CACNB3: variants seen among roughly 807,000 people sequenced by gnomAD.
The protein encoded by CACNB3 is calcium voltage-gated channel auxiliary subunit beta 3.
A neutral mutation model predicts 63.7 loss-of-function variants in CACNB3; 36 were observed. The ratio of observed to expected loss-of-function variants is 0.57; its 90% confidence interval spans 0.43 to 0.75. The LOEUF (loss-of-function observed/expected upper bound fraction) is 0.75, where lower values mean the gene tolerates loss of function less well. Ranked by LOEUF, CACNB3 falls within the 30% of genes least tolerant of loss-of-function variation. The pLI, the probability that CACNB3 is intolerant of heterozygous loss-of-function variation, is 0.00. For missense variants in CACNB3, 493 were observed against 648.6 expected (o/e 0.76, Z 2.61); for synonymous variants, 241 against 250.6 (o/e 0.96, Z 0.36).
chr12:48,827,151 T>TCAAGCTAAG (rs759933221), intron 12 of CACNB3, 28 bp downstream of exon 12: 7 of 1,609,654 alleles, frequency 4.3e-6, no homozygotes, highest in Non-Finnish European at 5.9e-6. Flanking sequence ...GCAGAGATGC[T>TCAAGCTAAG]CAAGCTAAGC....
At chr12:48,816,446 A>G (rs1238634176), upstream of CACNB3, among the ~76,000 whole-genome samples, 1 of 152,252 alleles carries the variant, frequency 6.6e-6, no homozygotes, top group Non-Finnish European at 1.5e-5. Context: ...TTAGGGCTAC[A>G]TGGACACTGA....
chr12:48,814,611 TG>T, upstream of CACNB3: 2 of 1,463,328 alleles, frequency 1.4e-6, no homozygotes, highest in Non-Finnish European at 1.8e-6. The surrounding 1 kb of genome is among the most constrained non-coding windows in gnomAD (Gnocchi z 6.9). Context: ...CCCCACGGGG[TG>T]GGAATAAGTA....
upstream of CACNB3, chr12:48,818,422 A>G: frequency 1.0e-6 from 1 of 984,934 alleles, no homozygotes; most frequent in Non-Finnish European, 1.2e-6. The surrounding 1 kb of genome is among the most constrained non-coding windows in gnomAD (Gnocchi z 4.3). Flanking sequence ...TGGGTTGCCG[A>G]GCGTCTCTGT....
rs372748723 is a variant in CACNB3 at position 48,827,572 on chromosome 12, G to A, written c.1141-13G>A. 4.0e-5 allele frequency: 65 copies of A among 1,609,356 alleles called. No individual in the cohort carries two copies. Among genetic ancestry groups the A allele is most frequent in the Non-Finnish European group, 5.0e-5 (59 of 1,177,800 alleles). ...CTGTACTGCCTCACTGAGAGCTGTTGTATGGCCCCCAGAACCAGCAGCTGC... is the reference window on the plus strand; with the variant it reads ...CTGTACTGCCTCACTGAGAGCTGTTATATGGCCCCCAGAACCAGCAGCTGC... On this transcript the variant is annotated splice_polypyrimidine_tract_variant and intron_variant, in intron 12 of 12. Transcript: ENST00000301050.
Position 48,823,232 on chromosome 12 carries a change from TTGGAGA to T in CACNB3, c.46-105_46-100del. ...GGGCCATAGGGACCCAGCTATCCCC[TTGGAGA>T]TGGAGAAACTGGGGGCAATAGAGGC... On this transcript the variant is annotated intron_variant, in intron 1 of 12. Coordinates refer to ENST00000301050, the MANE Select transcript of CACNB3 (RefSeq NM_000725.4). This position sits in a 1 kb window ranked among gnomAD's most constrained non-coding sequence, Gnocchi z 4.2. 1 of 1,380,528 alleles carries T rather than the reference TTGGAGA, an allele frequency of 7.2e-7. No individual in the cohort carries two copies. The allele number at this position is 1,380,528 out of a possible 1,614,324, so 85.5% of individuals were successfully genotyped here.
Position 48,825,151 on chromosome 12 carries a change from T to C in CACNB3, c.493-12T>C, listed in dbSNP as rs1490547458. ...GGCCATGGTTTCTACTGACCTCATG[T>C]CCATTCTGCAGGCGGAACATGTTCC... On this transcript the variant is annotated splice_polypyrimidine_tract_variant and intron_variant, in intron 6 of 12. Coordinates refer to ENST00000301050, the MANE Select transcript of CACNB3 (RefSeq NM_000725.4). The surrounding 1 kb of genome is among the most constrained non-coding windows in gnomAD (Gnocchi z 4.5). 6.2e-7 allele frequency: 1 copy of C among 1,613,490 alleles called. No individual in the cohort carries two copies. Among genetic ancestry groups the C allele is most frequent in the African/African-American group, 1.3e-5 (1 of 74,968 alleles).
At position 48,823,520 on chromosome 12, in the gene CACNB3, C is replaced by T. The variant is rs990514953; in HGVS notation, c.168+54C>T. On this transcript the variant is annotated intron_variant, in intron 2 of 12. Transcript: ENST00000301050. This position sits in a 1 kb window ranked among gnomAD's most constrained non-coding sequence, Gnocchi z 4.2. ...GGAGGCCAAGCTAGGTGGAAACCTG[C>T]ACTCGGTCCTAAGTCCCAAGGGGTC... 4.4e-6 allele frequency: 7 copies of T among 1,603,634 alleles called. No individual in the cohort carries two copies. The African/African-American group carries it at 9.4e-5, about 21-fold the overall frequency.
upstream of CACNB3, chr12:48,815,820 T>C (rs1013358236): frequency 5.9e-5 from 51 of 870,458 alleles, no homozygotes; most frequent in East Asian, 2.7e-5. Flanking sequence ...GGGCACGCGT[T>C]TGGGGGAGAC....
At chr12:48,815,656 G>C, upstream of CACNB3, 7 of 1,534,018 alleles carry the variant, frequency 4.6e-6, no homozygotes, top group Non-Finnish European at 6.1e-6. Flanking sequence ...CCCCTGGCCC[G>C]GGGGAGGGGG....
chr12:48,823,963 C>A lies in CACNB3; in HGVS notation c.291+160C>A. The A allele has an allele frequency of 9.8e-6, 9 of 921,078 alleles. No homozygotes were observed. The highest frequency in any genetic ancestry group is 1.3e-5 in the Non-Finnish European group (8 of 619,140). 57.1% of individuals were successfully genotyped at this position (921,078 alleles called of 1,614,324 possible). A position where few individuals can be genotyped will look rare whatever the true frequency, so the allele number is the denominator to read the frequency against. On this transcript the variant is annotated intron_variant, in intron 3 of 12. Transcript: ENST00000301050. This position sits in a 1 kb window ranked among gnomAD's most constrained non-coding sequence, Gnocchi z 4.2. ...CACCCCTCATATCTAAGATCTCATC[C>A]CCAGGGTCTCCATCCTTCTGAGACC...
chr12:48,823,823 C>T lies in CACNB3; in HGVS notation c.291+20C>T. On this transcript the variant is annotated intron_variant, in intron 3 of 12. Coordinates refer to ENST00000301050, the MANE Select transcript of CACNB3 (RefSeq NM_000725.4). The surrounding 1 kb of genome is among the most constrained non-coding windows in gnomAD (Gnocchi z 4.2). The stretch of plus-strand genomic sequence containing the variant: ...AAAGAGGTGATCGACCCCCCTACTT[C>T]CAGAAGCCTCTAACTTCATTTTCTT... 1.9e-6 allele frequency: 3 copies of T among 1,613,696 alleles called. No individual in the cohort carries two copies. Among genetic ancestry groups the T allele is most frequent in the Non-Finnish European group, 2.5e-6 (3 of 1,179,836 alleles).
At position 48,825,763 on chromosome 12, in the gene CACNB3, A is replaced by G; in HGVS notation, c.736A>G (p.Ser246Gly). 1 of 1,612,380 alleles carries G rather than the reference A, an allele frequency of 6.2e-7. No individual in the cohort carries two copies. Among genetic ancestry groups the G allele is most frequent in the South Asian group, 1.1e-5 (1 of 91,044 alleles). ...TIIERSSARSSIAEVQSEIER... is the reference protein window; with the variant it reads ...TIIERSSARSGIAEVQSEIER... ...CATTGAGCGCTCCTCTGCCCGCTCCAGCATTGGTGAGAAGTCCCCACCACC... is the reference window on the plus strand; with the variant it reads ...CATTGAGCGCTCCTCTGCCCGCTCCGGCATTGGTGAGAAGTCCCCACCACC... Residue 246 changes from serine to glycine, a missense_variant, in exon 9 of 13, where the codon AGC becomes GGC. By Grantham distance (56) the Ser-to-Gly change is moderately conservative. Transcript: ENST00000301050. This position sits in a 1 kb window ranked among gnomAD's most constrained non-coding sequence, Gnocchi z 4.5.
chr12:48,826,119 A>C lies in CACNB3; in HGVS notation c.743-248A>C. The C allele has an allele frequency of 1.8e-6, 1 of 570,444 alleles. No homozygotes were observed. The highest frequency in any genetic ancestry group is 3.1e-6 in the Non-Finnish European group (1 of 319,414). The allele number at this position is 570,444 out of a possible 1,614,324, so 35.3% of individuals were successfully genotyped here. ...GCTGGGATTACAGGCATGAGCCACC[A>C]TGCCTGGCCCCTCTTCCCTTTTCTC... On this transcript the variant is annotated intron_variant, in intron 9 of 12. Transcript: ENST00000301050. This position sits in a 1 kb window ranked among gnomAD's most constrained non-coding sequence, Gnocchi z 4.8.
At chr12:48,816,145 A>T (rs1942283321), upstream of CACNB3, among the ~76,000 whole-genome samples, 1 of 152,166 alleles carries the variant, frequency 6.6e-6, no homozygotes, top group East Asian at 1.9e-4. Flanking sequence ...CTTCTGTCTC[A>T]GTTTCCCCAT....
chr12:48,827,550 T>C, intron 12 of CACNB3, 35 bp from the exon 13 acceptor site: 1 of 1,589,066 alleles, frequency 6.3e-7, no homozygotes. Flanking sequence ...GTGAGGTCTG[T>C]ACTGCCTCAC....
chr12:48,822,275 A>G (rs930829988), intron 1 of CACNB3, among the ~76,000 whole-genome samples: 1 of 152,074 alleles, frequency 6.6e-6, no homozygotes, highest in East Asian at 1.9e-4. Context: ...TCCCTGACAG[A>G]GGAGGAAACC....
Position 48,828,830 on chromosome 12 carries a change from C to G in CACNB3, c.*931C>G, listed in dbSNP as rs571445440. The stretch of plus-strand genomic sequence containing the variant: ...ATGGGGAGAGACAGGGCACAGAGGA[C>G]CTGTCTCCCCGGCTACTCTTGCCTT... On this transcript the variant is annotated 3_prime_UTR_variant, in exon 13 of 13. Transcript: ENST00000301050. 1.2e-4 allele frequency: 55 copies of G among 452,336 alleles called. No homozygotes were observed. The highest frequency in any genetic ancestry group is 9.5e-4 in the Admixed American group (40 of 42,212). 28.0% of individuals were successfully genotyped at this position (452,336 alleles called of 1,614,324 possible).
intron 4 of CACNB3, 43 bp from the exon 5 acceptor site, chr12:48,824,626 A>T: frequency 6.5e-7 from 1 of 1,537,664 alleles, no homozygotes; most frequent in Non-Finnish European, 9.0e-7. Flanking sequence ...ATACACAGAG[A>T]CACATTCTTC....
chr12:48,819,951 G>A, intron 1 of CACNB3: 1 of 302,828 alleles, frequency 3.3e-6, no homozygotes, highest in South Asian at 2.7e-5. Context: ...CTGTAAGAAG[G>A]CCTCCTTAGG....
Sources: allele counts gnomAD v4.1 joint callset (sites outside exome capture counted in the v4.1 genomes callset), GRCh38; gene constraint gnomAD v4.1.1; non-coding constraint Gnocchi (gnomAD v3.1); transcripts MANE v1.5; gene names NCBI Gene and HGNC (gene_info 2026-07-23, HGNC 2026-07-21).